LSAMP: variants seen among roughly 807,000 people sequenced by gnomAD.
LSAMP encodes the protein limbic system associated membrane protein, also known as limbic system-associated membrane protein.
In LSAMP, 7 loss-of-function variants were observed where a neutral mutation model predicts 38.6. That is an observed-to-expected ratio of 0.18 (90% CI 0.10 to 0.34). The LOEUF is 0.34. Among genes scored for constraint, LSAMP ranks in the 10% least tolerant of loss-of-function variants. The probability of loss-of-function intolerance (pLI) is 1.00; values close to 1 mark genes in which losing one functional copy is unlikely to be tolerated. For missense variants in LSAMP, 313 were observed against 420.0 expected (o/e 0.75, Z 2.23); for synonymous variants, 154 against 166.8 (o/e 0.92, Z 0.59).
chr3:115,923,330 G>A (rs1937425292), intron 3 of LSAMP, among the ~76,000 whole-genome samples: 1 of 152,214 alleles, frequency 6.6e-6, no homozygotes, highest in African/African-American at 2.4e-5. Context: ...GTGTTGGCTT[G>A]TGGCAAAGGC....
At chr3:116,410,362 C>T (rs576241420) in intron 1 of LSAMP, among the ~76,000 whole-genome samples, 4 of 152,078 alleles carry the variant, frequency 2.6e-5, no homozygotes, top group Non-Finnish European at 1.5e-5. Flanking sequence ...TTCTAATGGA[C>T]TCTGGTGAAG....
In LSAMP at chr3:115,807,552, A is replaced by G. The variant is rs1056481679; in HGVS notation, c.*2765T>C. ...AGTGGAGACAATAAGAAAGCCAGGT[A>G]TATAATTAAGGCCTGTGACATGCCA... On this transcript the variant is annotated 3_prime_UTR_variant, in exon 7 of 7. Transcript: ENST00000490035. 3 of 152,236 alleles carry G rather than the reference A, an allele frequency of 2.0e-5. No homozygotes were observed. Among genetic ancestry groups the G allele is most frequent in the Non-Finnish European group, 4.4e-5 (3 of 68,032 alleles). 9.4% of individuals were successfully genotyped at this position (152,236 alleles called of 1,614,324 possible).
At chr3:115,917,113 C>A (rs1937268578) in intron 3 of LSAMP, among the ~76,000 whole-genome samples, 1 of 152,170 alleles carries the variant, frequency 6.6e-6, no homozygotes, top group Non-Finnish European at 1.5e-5. Context: ...AAGATTGCAT[C>A]CCAAGGCACA....
chr3:116,048,822 G>C (rs1277426039), intron 2 of LSAMP, among the ~76,000 whole-genome samples: 1 of 152,132 alleles, frequency 6.6e-6, no homozygotes, highest in Admixed American at 6.5e-5. Context: ...TCAAACCAGT[G>C]TTCCGGTTTC....
In LSAMP at chr3:116,166,981, C is replaced by T. The variant is rs369172079; in HGVS notation, c.156-80425G>A. Among the ~76,000 whole-genome samples the T allele has an allele frequency of 4.2e-3, 640 of 151,856 alleles. 5 individuals are homozygous for T. Among genetic ancestry groups the T allele is most frequent in the African/African-American group, 0.014 (593 of 41,448 alleles). On this transcript the variant is annotated intron_variant, in intron 1 of 6. Transcript: ENST00000490035. ...AATTTTTTTGTATTTTTAGTAGAGA[C>T]GGGGTTTCACCGTGTTAGCCAGGAT...
At chr3:116,076,291 T>G (rs1349210623) in intron 2 of LSAMP, among the ~76,000 whole-genome samples, 2 of 152,192 alleles carry the variant, frequency 1.3e-5, no homozygotes, top group East Asian at 3.9e-4. Flanking sequence ...GGAGTCTCGC[T>G]CTGTCACCCA....
At chr3:116,106,056 T>C (rs1402783329) in intron 1 of LSAMP, among the ~76,000 whole-genome samples, 1 of 152,070 alleles carries the variant, frequency 6.6e-6, no homozygotes, top group Non-Finnish European at 1.5e-5. Flanking sequence ...GATACGGTTT[T>C]GGATGAATTG....
intron 1 of LSAMP, among the ~76,000 whole-genome samples, chr3:116,269,190 A>T (rs1424769356): frequency 6.6e-6 from 1 of 152,128 alleles, no homozygotes; most frequent in African/African-American, 2.4e-5. Context: ...AAGTGAAAGA[A>T]TTTAATAGCA....
intron 1 of LSAMP, among the ~76,000 whole-genome samples, chr3:116,347,700 G>A (rs1214159246): frequency 1.3e-5 from 2 of 152,100 alleles, no homozygotes; most frequent in Non-Finnish European, 2.9e-5. Flanking sequence ...CCAAGAGGAC[G>A]GGACCATGGC....
intron 2 of LSAMP, among the ~76,000 whole-genome samples, chr3:116,055,182 A>G (rs1941467789): frequency 6.6e-6 from 1 of 152,204 alleles, no homozygotes; most frequent in South Asian, 2.1e-4. Flanking sequence ...GAAATGTGTT[A>G]TAAAAAGAGA....
At chr3:116,030,736 CT>C (rs1347630282) in intron 2 of LSAMP, among the ~76,000 whole-genome samples, 1 of 151,988 alleles carries the variant, frequency 6.6e-6, no homozygotes, top group Admixed American at 6.6e-5. Context: ...AAATGGCACC[CT>C]AAGACATTAT....
At chr3:116,077,744 G>T (rs1430270442) in intron 2 of LSAMP, among the ~76,000 whole-genome samples, 1 of 152,062 alleles carries the variant, frequency 6.6e-6, no homozygotes, top group Admixed American at 6.6e-5. Flanking sequence ...TCTAGAAAAA[G>T]GTCACATAGT....
chr3:115,895,625 A>T (rs1429682767), intron 3 of LSAMP, among the ~76,000 whole-genome samples: 1 of 152,048 alleles, frequency 6.6e-6, no homozygotes, highest in Non-Finnish European at 1.5e-5. Context: ...ATGGAAGGAG[A>T]GTAGTATGAT....
chr3:116,283,502 A>G (rs2047155826), intron 1 of LSAMP, among the ~76,000 whole-genome samples: 1 of 152,154 alleles, frequency 6.6e-6, no homozygotes, highest in Non-Finnish European at 1.5e-5. Flanking sequence ...TTTTGTGCTT[A>G]AAGTTACCTT....
chr3:116,345,126 C>T (rs572050351), intron 1 of LSAMP, among the ~76,000 whole-genome samples: 2 of 152,084 alleles, frequency 1.3e-5, no homozygotes, highest in Non-Finnish European at 2.9e-5. Context: ...ATGGAGATTA[C>T]TATTTGTCTG....
At chr3:115,976,307 T>A (rs890960031) in intron 3 of LSAMP, among the ~76,000 whole-genome samples, 3 of 152,092 alleles carry the variant, frequency 2.0e-5, no homozygotes, top group Admixed American at 2.0e-4. Flanking sequence ...AATAATTAAA[T>A]TCACAACGAG....
intron 1 of LSAMP, among the ~76,000 whole-genome samples, chr3:116,288,918 T>G (rs2047225819): frequency 1.3e-5 from 2 of 152,222 alleles, no homozygotes; most frequent in African/African-American, 4.8e-5. Context: ...CAATTTTTTA[T>G]AAATGTTTAA....
intron 2 of LSAMP, among the ~76,000 whole-genome samples, chr3:116,054,722 T>C (rs2107738152): frequency 1.3e-5 from 2 of 152,314 alleles, no homozygotes; most frequent in Non-Finnish European, 2.9e-5. Context: ...CAAAAAAATG[T>C]ATTAAATATT....
At chr3:116,305,156 A>G (rs1310544853) in intron 1 of LSAMP, among the ~76,000 whole-genome samples, 1 of 152,088 alleles carries the variant, frequency 6.6e-6, no homozygotes, top group Non-Finnish European at 1.5e-5. Context: ...ATGGGGATGC[A>G]CCTTGCACAT....
Sources: allele counts gnomAD v4.1 joint callset (sites outside exome capture counted in the v4.1 genomes callset), GRCh38; gene constraint gnomAD v4.1.1; transcripts MANE v1.5; gene names NCBI Gene and HGNC (gene_info 2026-07-23, HGNC 2026-07-21).